GRID2: variants seen among roughly 807,000 people sequenced by gnomAD.
The protein encoded by GRID2 is glutamate receptor ionotropic, delta-2.
Under a neutral mutation model 114.8 loss-of-function variants are expected in GRID2, and 33 were observed. The ratio of observed to expected loss-of-function variants is 0.29; its 90% CI spans 0.22 to 0.38. The LOEUF is 0.38. Among genes scored for constraint, GRID2 ranks in the 10% least tolerant of loss-of-function variants. The probability of loss-of-function intolerance (pLI) is 1.00; values close to 1 mark genes in which losing one functional copy is unlikely to be tolerated. For missense variants in GRID2, 1,184 were observed against 1,257.7 expected (o/e 0.94, Z 0.89); for synonymous variants, 505 against 449.9 (o/e 1.12, Z -1.55).
rs553662975 is a variant in GRID2 at position 92,801,996 on chromosome 4, A to T, written c.244+211710A>T. Among the ~76,000 whole-genome samples the T allele has an allele frequency of 6.8e-4, 103 of 151,766 alleles. 1 individual carries two copies. The highest frequency in any genetic ancestry group is 1.7e-3 in the Admixed American group (26 of 15,208). On this transcript the variant is annotated intron_variant, in intron 2 of 15. Transcript: ENST00000282020. ...AATGAAATACCACATTGTTTTTTTT[A>T]AAAAAAACTTCATAATATACTATCG...
intron 2 of GRID2, among the ~76,000 whole-genome samples, chr4:92,900,602 G>A (rs1013087566): frequency 3.3e-5 from 5 of 152,122 alleles, no homozygotes; most frequent in East Asian, 3.9e-4. Context: ...AGGCCGAGGC[G>A]GGTGAATCAT....
At chr4:92,809,812 A>G (rs564146602) in intron 2 of GRID2, among the ~76,000 whole-genome samples, 3 of 151,952 alleles carry the variant, frequency 2.0e-5, no homozygotes, top group Non-Finnish European at 4.4e-5. Context: ...CCACTATTTT[A>G]TTCTTTATTG....
In GRID2 at chr4:93,628,733, A is replaced by C. The variant is rs1290791638; in HGVS notation, c.2360+2298A>C. Among the ~76,000 whole-genome samples the C allele has an allele frequency of 2.6e-5, 4 of 151,718 alleles. No homozygotes were observed. The South Asian group carries it at 6.2e-4, about 24-fold the overall frequency. On this transcript the variant is annotated intron_variant, in intron 14 of 15. Transcript: ENST00000282020. ...TGGTTAATTGGCTTTTTCATTGCTAAAGATGTTCTTGCTTTTCAGACTTGA... is the reference window on the plus strand; with the variant it reads ...TGGTTAATTGGCTTTTTCATTGCTACAGATGTTCTTGCTTTTCAGACTTGA...
rs140004566 is a variant in GRID2, at chr4:93,207,114, C to A, written c.736-290C>A. On this transcript the variant is annotated intron_variant, in intron 4 of 15. Coordinates refer to ENST00000282020, the MANE Select transcript of GRID2 (RefSeq NM_001510.4). The stretch of plus-strand genomic sequence containing the variant: ...CCACTCTCCACTCTCAGTTAAATCA[C>A]AAAACAGTGTATTTTATTTATGTAT... Among the ~76,000 whole-genome samples the A allele has an allele frequency of 4.9e-3, 740 of 152,134 alleles. 7 individuals carry two copies. Among genetic ancestry groups the A allele is most frequent in the African/African-American group, 0.017 (714 of 41,532 alleles).
chr4:92,807,880 A>G (rs1740492690), intron 2 of GRID2, among the ~76,000 whole-genome samples: 1 of 152,020 alleles, frequency 6.6e-6, no homozygotes, highest in Non-Finnish European at 1.5e-5. Context: ...AACATTATTA[A>G]GTATTGTGGT....
At chr4:93,231,883 G>GT (rs1475313750) in intron 7 of GRID2, among the ~76,000 whole-genome samples, 1 of 152,070 alleles carries the variant, frequency 6.6e-6, no homozygotes, top group Non-Finnish European at 1.5e-5. Context: ...TCTCATACCT[G>GT]TTTCCTTGAG....
chr4:93,509,944 A>C (rs1410700167), intron 12 of GRID2, among the ~76,000 whole-genome samples: 1 of 152,172 alleles, frequency 6.6e-6, no homozygotes, highest in Admixed American at 6.5e-5. Flanking sequence ...CATGGTTGCT[A>C]ATGAGCTCTC....
intron 14 of GRID2, among the ~76,000 whole-genome samples, chr4:93,702,311 A>G (rs955900874): frequency 6.6e-6 from 1 of 152,126 alleles, no homozygotes; most frequent in African/African-American, 2.4e-5. Context: ...ATAACTTTGG[A>G]TATCTGTTTG....
chr4:92,794,396 A>G (rs1739750312), intron 2 of GRID2, among the ~76,000 whole-genome samples: 4 of 151,906 alleles, frequency 2.6e-5, no homozygotes, highest in African/African-American at 9.7e-5. Flanking sequence ...ATACATGTAT[A>G]TAGTTTATAC....
chr4:93,423,518 T>C (rs1224658025), intron 10 of GRID2, among the ~76,000 whole-genome samples: 1 of 151,732 alleles, frequency 6.6e-6, no homozygotes. Flanking sequence ...AGCTAATTTT[T>C]TTGTATTTTT....
intron 1 of GRID2, among the ~76,000 whole-genome samples, chr4:92,528,782 TA>T (rs1725167155): frequency 7.5e-6 from 1 of 133,956 alleles, no homozygotes; most frequent in African/African-American, 2.9e-5. Context: ...CATGCTCCAC[TA>T]AAGTCGTTTC....
At chr4:92,336,082 C>A (rs573834142) in intron 1 of GRID2, among the ~76,000 whole-genome samples, 1 of 151,994 alleles carries the variant, frequency 6.6e-6, no homozygotes, top group Non-Finnish European at 1.5e-5. Flanking sequence ...CAAATATTTG[C>A]GGTAATGTCT....
At chr4:92,899,774 A>G (rs1747438307) in intron 2 of GRID2, among the ~76,000 whole-genome samples, 1 of 152,186 alleles carries the variant, frequency 6.6e-6, no homozygotes, top group African/African-American at 2.4e-5. Context: ...GGATATCTCT[A>G]CTTTTGTGGA....
At chr4:92,567,680 C>T (rs1173158617) in intron 1 of GRID2, among the ~76,000 whole-genome samples, 1 of 151,992 alleles carries the variant, frequency 6.6e-6, no homozygotes, top group Non-Finnish European at 1.5e-5. Flanking sequence ...GATCTCTTGC[C>T]AACAATTTTG....
At chr4:92,945,872 A>G (rs1239253471) in intron 2 of GRID2, among the ~76,000 whole-genome samples, 1 of 152,076 alleles carries the variant, frequency 6.6e-6, no homozygotes, top group African/African-American at 2.4e-5. Flanking sequence ...GTATTTTAGG[A>G]AAGATCTATG....
chr4:92,624,165 C>G (rs1209098638), intron 2 of GRID2, among the ~76,000 whole-genome samples: 1 of 151,778 alleles, frequency 6.6e-6, no homozygotes, highest in Non-Finnish European at 1.5e-5. Flanking sequence ...TTAACTCATT[C>G]AATCCTTACA....
intron 1 of GRID2, among the ~76,000 whole-genome samples, chr4:92,442,525 A>C (rs1178506168): frequency 3.3e-5 from 5 of 152,068 alleles, no homozygotes; most frequent in Non-Finnish European, 7.4e-5. Flanking sequence ...GGTTTGTCTC[A>C]CAGTGGAGGC....
intron 2 of GRID2, among the ~76,000 whole-genome samples, chr4:92,610,403 C>T (rs1729661255): frequency 6.6e-6 from 1 of 151,562 alleles, no homozygotes; most frequent in Non-Finnish European, 1.5e-5. Context: ...CACTTTTAAC[C>T]CTAAACATAA....
chr4:92,478,687 T>A (rs1172920398), intron 1 of GRID2, among the ~76,000 whole-genome samples: 1 of 152,150 alleles, frequency 6.6e-6, no homozygotes, highest in African/African-American at 2.4e-5. Context: ...CATTCTTAAG[T>A]AAATGGCTTA....
Sources: gnomAD v4.1 joint callset for allele counts (sites outside exome capture counted in the v4.1 genomes callset) on GRCh38, gnomAD v4.1.1 for gene constraint, MANE v1.5 for transcripts, NCBI Gene and HGNC (gene_info 2026-07-23, HGNC 2026-07-21) for gene names.